SOS2: variants seen among roughly 807,000 people sequenced by gnomAD.
SOS2 encodes SOS Ras/Rho guanine nucleotide exchange factor 2.
SOS2 carries 65 observed loss-of-function variants against 148.2 expected under a neutral mutation model. That is an observed-to-expected ratio of 0.44 (90% CI 0.36 to 0.54). The LOEUF is 0.54. Among genes scored for constraint, SOS2 ranks in the 20% least tolerant of loss-of-function variants. The probability of loss-of-function intolerance (pLI) is 0.00; values close to 1 mark genes in which losing one functional copy is unlikely to be tolerated. For synonymous variants in SOS2, 539 were observed against 537.1 expected (o/e 1.00, Z -0.05); for missense variants, 1,341 against 1,590.2 (o/e 0.84, Z 2.67).
At chr14:50,176,105 G>C (rs1371769980) in intron 7 of SOS2, among the ~76,000 whole-genome samples, 1 of 152,204 alleles carries the variant, frequency 6.6e-6, no homozygotes. Flanking sequence ...TGTGAACGGG[G>C]TTAGTGCCCT....
At chr14:50,118,934 T>C in intron 22 of SOS2, 81 bp from the exon 23 acceptor site, 2 of 885,380 alleles carry the variant, frequency 2.3e-6, no homozygotes, top group Non-Finnish European at 3.2e-6. Context: ...AAATTCTTAC[T>C]TGTCAAGTTA....
Position 50,144,078 on chromosome 14 carries a change from C to G in SOS2, c.2667+1092G>C, listed in dbSNP as rs574430867. On this transcript the variant is annotated intron_variant, in intron 16 of 22. Coordinates refer to ENST00000216373, the MANE Select transcript of SOS2 (RefSeq NM_006939.4). ...AAATACTCAGACCCAGGATTTCCACCCCTAGATTATTTCTAGGGAAATAAT... is the reference window on the plus strand; with the variant it reads ...AAATACTCAGACCCAGGATTTCCACGCCTAGATTATTTCTAGGGAAATAAT... Among the ~76,000 whole-genome samples the G allele has an allele frequency of 2.3e-4, 35 of 152,092 alleles. 1 individual carries two copies. In the South Asian group the frequency reaches 3.3e-3, roughly 14 times the overall value.
intron 1 of SOS2, among the ~76,000 whole-genome samples, chr14:50,214,879 A>C (rs1308566619): frequency 1.4e-5 from 2 of 143,844 alleles, no homozygotes; most frequent in African/African-American, 5.2e-5. Flanking sequence ...TCTGTCCCCC[A>C]GGATGGAGTG....
At chr14:50,129,366 G>GT (rs1883792314) in intron 21 of SOS2, among the ~76,000 whole-genome samples, 1 of 151,988 alleles carries the variant, frequency 6.6e-6, no homozygotes, top group South Asian at 2.1e-4. Flanking sequence ...TTTAGATGGT[G>GT]TTTTTTTGTT....
chr14:50,144,165 C>A (rs1166521694), intron 16 of SOS2, among the ~76,000 whole-genome samples: 5 of 151,798 alleles, frequency 3.3e-5, no homozygotes, highest in African/African-American at 9.7e-5. Context: ...AGAAAAAAAT[C>A]AGAAATAACT....
chr14:50,123,475 G>A (rs1418144015), intron 21 of SOS2, among the ~76,000 whole-genome samples: 5 of 140,256 alleles, frequency 3.6e-5, no homozygotes, highest in African/African-American at 8.0e-5. Context: ...TCCGCCTCCC[G>A]GATTCAAGCA....
At chr14:50,148,596 C>T (rs187009631) in intron 14 of SOS2, among the ~76,000 whole-genome samples, 46 of 152,056 alleles carry the variant, frequency 3.0e-4, no homozygotes, top group Admixed American at 1.0e-3. Flanking sequence ...AGTAACAAGT[C>T]CCTTCATTTC....
chr14:50,154,600 G>T (rs563568851), intron 12 of SOS2, among the ~76,000 whole-genome samples: 2 of 152,228 alleles, frequency 1.3e-5, no homozygotes, highest in African/African-American at 4.8e-5. Flanking sequence ...TGGGAAAAAT[G>T]AATAAACTGG....
chr14:50,227,243 C>CTTTTTTTTTTT lies in SOS2; in HGVS notation c.87+3953_87+3954insAAAAAAAAAAA, dbSNP rs374477701. Among the ~76,000 whole-genome samples, 60 of 112,618 alleles carry CTTTTTTTTTTT rather than the reference C, an allele frequency of 5.3e-4. 1 individual carries two copies. The highest frequency in any genetic ancestry group is 1.3e-3 in the East Asian group (5 of 3,730). 73.9% of individuals were successfully genotyped at this position (112,618 alleles called of 152,430 possible). A position where few individuals can be genotyped will look rare whatever the true frequency, so the allele number is the denominator to read the frequency against. ...TCTCTGTGTTTCTTTTTCTTTCTTT[C>CTTTTTTTTTTT]TTTCTTTTTTTTTTTTTTTGAGACA... is the stretch of plus-strand genomic sequence containing the variant. On this transcript the variant is annotated intron_variant, in intron 1 of 22. Coordinates refer to ENST00000216373, the MANE Select transcript of SOS2 (RefSeq NM_006939.4).
At chr14:50,204,145 T>C in intron 2 of SOS2, 139 bp downstream of exon 2, 1 of 513,268 alleles carries the variant, frequency 1.9e-6, no homozygotes, top group Non-Finnish European at 3.3e-6. Flanking sequence ...TTGACATTTT[T>C]GTCAAAAACA....
chr14:50,209,535 G>A (rs1284227068), intron 1 of SOS2, among the ~76,000 whole-genome samples: 2 of 152,090 alleles, frequency 1.3e-5, no homozygotes, highest in African/African-American at 2.4e-5. Flanking sequence ...GGGAAGCTGA[G>A]GCGGGAGGAT....
Position 50,130,473 on chromosome 14 carries a change from TACCAAGCGG to T in SOS2, c.3337+19_3337+27del. On this transcript the variant is annotated intron_variant, in intron 20 of 22. Coordinates refer to ENST00000216373, the MANE Select transcript of SOS2 (RefSeq NM_006939.4). ...TATCTGAGACACAGGATTCCTTTTT[TACCAAGCGG>T]TTTACATCAAATACTTACCACAGGA... The T allele has an allele frequency of 2.5e-6, 4 of 1,586,536 alleles. No homozygotes were observed. The highest frequency in any genetic ancestry group is 1.7e-4 in the Middle Eastern group (1 of 5,848).
chr14:50,221,215 G>A (rs1305793111), intron 1 of SOS2, among the ~76,000 whole-genome samples: 2 of 151,956 alleles, frequency 1.3e-5, no homozygotes, highest in Non-Finnish European at 2.9e-5. Context: ...TCTAATTTAT[G>A]GAAGAAAAAT....
At chr14:50,133,777 A>G (rs150528401) in intron 19 of SOS2, among the ~76,000 whole-genome samples, 4 of 152,270 alleles carry the variant, frequency 2.6e-5, no homozygotes, top group Admixed American at 6.5e-5. Flanking sequence ...AAGTCATATC[A>G]AGTCACAAGA....
At chr14:50,220,667 G>A (rs1887177761) in intron 1 of SOS2, among the ~76,000 whole-genome samples, 2 of 152,058 alleles carry the variant, frequency 1.3e-5, no homozygotes, top group Admixed American at 1.3e-4. Context: ...AATTCTCAGA[G>A]TCCATGCTCT....
In SOS2 at chr14:50,204,422, G is replaced by C. The variant is rs749789629; in HGVS notation, c.88-13C>G. On this transcript the variant is annotated splice_polypyrimidine_tract_variant and intron_variant, in intron 1 of 22. Transcript: ENST00000216373. ...CTTGTTCCTGAACCTTTAAAAAAAA[G>C]TTATCAGTTAAAGTAATGGCAAAAT... is the stretch of plus-strand genomic sequence containing the variant. The C allele has an allele frequency of 2.0e-6, 3 of 1,515,140 alleles. No homozygotes were observed. The highest frequency in any genetic ancestry group is 2.7e-6 in the Non-Finnish European group (3 of 1,109,550). The allele number at this position is 1,515,140 out of a possible 1,614,324, so 93.9% of individuals were successfully genotyped here. A position where few individuals can be genotyped will look rare whatever the true frequency, so the allele number is the denominator to read the frequency against.
At chr14:50,176,648 G>C (rs1249272439) in intron 7 of SOS2, among the ~76,000 whole-genome samples, 1 of 152,198 alleles carries the variant, frequency 6.6e-6, no homozygotes, top group African/African-American at 2.4e-5. Context: ...TATATATTAT[G>C]ATGATCACCA....
At chr14:50,157,282 T>C (rs1277657130) in intron 11 of SOS2, among the ~76,000 whole-genome samples, 161 bp from the exon 12 acceptor site, 1 of 152,158 alleles carries the variant, frequency 6.6e-6, no homozygotes, top group African/African-American at 2.4e-5. Context: ...CCTTTGGCTA[T>C]ACAAAACTGA....
At chr14:50,161,723 T>C (rs1459853627) in intron 8 of SOS2, 114 bp from the exon 9 acceptor site, 9 of 867,948 alleles carry the variant, frequency 1.0e-5, no homozygotes, top group Middle Eastern at 3.5e-4. Context: ...ATTTTATATA[T>C]ACTTAATAAA....
Sources: gnomAD v4.1 joint callset for allele counts (sites outside exome capture counted in the v4.1 genomes callset) on GRCh38, gnomAD v4.1.1 for gene constraint, MANE v1.5 for transcripts, NCBI Gene and HGNC (gene_info 2026-07-23, HGNC 2026-07-21) for gene names.